The following EPB41L4A variants were observed in gnomAD, a reference collection of about 807,000 sequenced individuals.
EPB41L4A encodes erythrocyte membrane protein band 4.1 like 4A.
EPB41L4A carries 100 observed loss-of-function variants against 108.6 expected under a neutral mutation model. That is an observed-to-expected ratio of 0.92 (90% CI 0.78 to 1.09). The LOEUF (loss-of-function observed/expected upper bound fraction) is 1.09, where lower values mean the gene tolerates loss of function less well. EPB41L4A is among the 50% of genes least tolerant of loss of function. EPB41L4A has a pLI of 0.00. For synonymous variants in EPB41L4A, 319 were observed against 289.0 expected (o/e 1.10, Z -1.05); for missense variants, 1,030 against 842.7 (o/e 1.22, Z -2.75).
chr5:112,178,714 T>C (rs891032335), intron 18 of EPB41L4A, among the ~76,000 whole-genome samples: 2 of 151,906 alleles, frequency 1.3e-5, no homozygotes, highest in African/African-American at 2.4e-5. Flanking sequence ...AAAAATTATT[T>C]TGAACTGTAT....
intron 6 of EPB41L4A, chr5:112,264,076 G>A (rs181847904): frequency 1.3e-5 from 2 of 151,912 alleles, no homozygotes; most frequent in African/African-American, 4.8e-5. Context: ...GCCTCCCAAA[G>A]TGCTGGGATT....
intron 1 of EPB41L4A, among the ~76,000 whole-genome samples, chr5:112,394,428 C>G (rs537073469): frequency 3.3e-4 from 51 of 152,248 alleles, no homozygotes; most frequent in African/African-American, 1.1e-3. Flanking sequence ...AAATCAAAAC[C>G]ATTCCTATAC....
Position 112,251,711 on chromosome 5 carries a change from T to C in EPB41L4A, c.795+7518A>G, listed in dbSNP as rs186969737. Reference sequence around the variant, plus strand: ...TGAGTTTTTGAGTAATTTTGATTTTTGAAAGCAAGTTAACCTTCTACATAT... The same window carrying C: ...TGAGTTTTTGAGTAATTTTGATTTTCGAAAGCAAGTTAACCTTCTACATAT... On this transcript the variant is annotated intron_variant, in intron 9 of 22. Coordinates refer to ENST00000261486, the MANE Select transcript of EPB41L4A (RefSeq NM_022140.5). 4.0e-3 allele frequency among the ~76,000 whole-genome samples: 610 copies of C among 152,284 alleles called. 9 individuals are homozygous for C. Among genetic ancestry groups the C allele is most frequent in the Admixed American group, 0.035 (542 of 15,290 alleles).
rs556625493 is a variant in EPB41L4A, at chr5:112,167,924, G to A, written c.1932+815C>T. Among the ~76,000 whole-genome samples the A allele has an allele frequency of 2.9e-4, 44 of 152,308 alleles. No individual in the cohort carries two copies. In the South Asian group the frequency reaches 9.1e-3, roughly 32 times the overall value. On this transcript the variant is annotated intron_variant, in intron 22 of 22. Transcript: ENST00000261486. ...CCAAAAACTGTACATGTGCTTAGAT[G>A]CATTTTTATGGGATGAGAGTCAGTA...
intron 12 of EPB41L4A, among the ~76,000 whole-genome samples, chr5:112,149,707 A>G (rs941243857): frequency 1.3e-5 from 2 of 152,228 alleles, no homozygotes; most frequent in African/African-American, 4.8e-5. Flanking sequence ...GAACAAATAA[A>G]AATACTGGAT....
At chr5:112,211,416 T>A (rs1194728813) in intron 12 of EPB41L4A, among the ~76,000 whole-genome samples, 1 of 152,168 alleles carries the variant, frequency 6.6e-6, no homozygotes, top group Non-Finnish European at 1.5e-5. Flanking sequence ...ACCCCATCTC[T>A]ACTAAAAATA....
intron 1 of EPB41L4A, among the ~76,000 whole-genome samples, chr5:112,360,411 T>C (rs1309429387): frequency 3.9e-5 from 6 of 152,332 alleles, no homozygotes; most frequent in South Asian, 2.1e-4. Flanking sequence ...GTGCCTGGGA[T>C]TGCAGGCGCG....
At chr5:112,359,453 A>T (rs966896258) in intron 1 of EPB41L4A, among the ~76,000 whole-genome samples, 1 of 152,238 alleles carries the variant, frequency 6.6e-6, no homozygotes, top group African/African-American at 2.4e-5. Context: ...TATGGTTGGA[A>T]TAACAACTGT....
At chr5:112,195,079 T>C (rs150192671) in intron 16 of EPB41L4A, among the ~76,000 whole-genome samples, 127 of 152,186 alleles carry the variant, frequency 8.3e-4, no homozygotes, top group African/African-American at 3.0e-3. Context: ...ATTTTACCAA[T>C]AGAATGAGGT....
intron 2 of EPB41L4A, among the ~76,000 whole-genome samples, chr5:112,281,409 G>T (rs1255699889): frequency 6.6e-6 from 1 of 152,170 alleles, no homozygotes; most frequent in African/African-American, 2.4e-5. Flanking sequence ...GGAAGAGCAG[G>T]GCAGAAGCCA....
chr5:112,313,422 T>G (rs1466561786), intron 1 of EPB41L4A, among the ~76,000 whole-genome samples: 1 of 152,028 alleles, frequency 6.6e-6, no homozygotes. Context: ...AAACCCCGTC[T>G]CTACTAAAAA....
At chr5:112,373,543 CAT>C (rs1187365246) in intron 1 of EPB41L4A, among the ~76,000 whole-genome samples, 2 of 152,218 alleles carry the variant, frequency 1.3e-5, no homozygotes, top group Non-Finnish European at 2.9e-5. Flanking sequence ...TGTTATGTGT[CAT>C]GTGTTATTTT....
chr5:112,282,225 G>A (rs759888276), intron 2 of EPB41L4A, among the ~76,000 whole-genome samples: 9 of 152,116 alleles, frequency 5.9e-5, no homozygotes, highest in South Asian at 2.1e-4. Context: ...CAATCCAAAC[G>A]TTAAGCTGTG....
In EPB41L4A at chr5:112,171,000, T is replaced by C. The variant is rs776164836; in HGVS notation, c.1623-8A>G. The stretch of plus-strand genomic sequence containing the variant: ...TGGATATCGGGGCTTCTCCTATAAA[T>C]AGAGAAAACAACATTCATCTCTGCA... On this transcript the variant is annotated splice_region_variant and splice_polypyrimidine_tract_variant and intron_variant, in intron 18 of 22. Coordinates refer to ENST00000261486, the MANE Select transcript of EPB41L4A (RefSeq NM_022140.5). 1.3e-5 allele frequency: 21 copies of C among 1,611,874 alleles called. No individual in the cohort carries two copies. Among genetic ancestry groups the C allele is most frequent in the African/African-American group, 2.7e-5 (2 of 74,874 alleles).
chr5:112,209,857 T>A, intron 13 of EPB41L4A, 35 bp downstream of exon 13: 1 of 1,335,048 alleles, frequency 7.5e-7, no homozygotes, highest in Non-Finnish European at 1.1e-6. Flanking sequence ...TACAACAGCA[T>A]ATAATTGTAC....
At chr5:112,272,549 G>A (rs1328320504) in intron 4 of EPB41L4A, among the ~76,000 whole-genome samples, 1 of 151,894 alleles carries the variant, frequency 6.6e-6, no homozygotes, top group East Asian at 1.9e-4. Flanking sequence ...GGAGGCCAAG[G>A]CAGGTGGATC....
At chr5:112,406,520 C>T (rs990541991) in intron 1 of EPB41L4A, among the ~76,000 whole-genome samples, 1 of 152,004 alleles carries the variant, frequency 6.6e-6, no homozygotes, top group African/African-American at 2.4e-5. Flanking sequence ...AAGCTTCCCT[C>T]GAGCAGAAGA....
At chr5:112,419,539 G>A (rs1762962479), upstream of EPB41L4A, 2 of 424,008 alleles carry the variant, frequency 4.7e-6, no homozygotes, top group East Asian at 7.1e-5. Flanking sequence ...GGAGTCCCCC[G>A]CGGGCGCGCA....
In EPB41L4A at chr5:112,305,469, T is replaced by G. The variant is rs144665128; in HGVS notation, c.204+1917A>C. Reference sequence around the variant, plus strand: ...AATGCTTCTAAATGGGAAACCATATTTGGTTTTTAAGACAATGATTTTTTA... The same window carrying G: ...AATGCTTCTAAATGGGAAACCATATGTGGTTTTTAAGACAATGATTTTTTA... On this transcript the variant is annotated intron_variant, in intron 2 of 22. Transcript: ENST00000261486. 2.0e-5 allele frequency among the ~76,000 whole-genome samples: 3 copies of G among 152,270 alleles called. No individual in the cohort carries two copies. In the South Asian group the frequency reaches 6.2e-4, roughly 32 times the overall value.
Sources: gnomAD v4.1 joint callset for allele counts (sites outside exome capture counted in the v4.1 genomes callset) on GRCh38, gnomAD v4.1.1 for gene constraint, MANE v1.5 for transcripts, NCBI Gene and HGNC (gene_info 2026-07-23, HGNC 2026-07-21) for gene names.